Variants in L3MBTL4 observed in about 807,000 individuals in gnomAD.
L3MBTL4 encodes L3MBTL histone methyl-lysine binding protein 4.
A neutral mutation model predicts 84.5 loss-of-function variants in L3MBTL4; 70 were observed. The ratio of observed to expected loss-of-function variants is 0.83; its 90% CI spans 0.68 to 1.01. The LOEUF (loss-of-function observed/expected upper bound fraction) is 1.01, where lower values mean the gene tolerates loss of function less well. L3MBTL4 is among the 50% of genes least tolerant of loss of function. The pLI is 0.00. For synonymous variants in L3MBTL4, 274 were observed against 259.8 expected, an observed-to-expected ratio of 1.05 and a Z score of -0.52; for missense variants, 715 against 754.8, an observed-to-expected ratio of 0.95 and a Z score of 0.62.
intron 1 of L3MBTL4, among the ~76,000 whole-genome samples, chr18:6,353,024 A>T (rs1424544636): frequency 4.6e-5 from 7 of 152,244 alleles, no homozygotes; most frequent in Non-Finnish European, 1.0e-4. Flanking sequence ...AAATTAAACT[A>T]AACATATGTA....
At chr18:6,128,040 G>GA (rs373631094) in intron 14 of L3MBTL4, among the ~76,000 whole-genome samples, 2 of 129,204 alleles carry the variant, frequency 1.5e-5, no homozygotes, top group African/African-American at 6.2e-5. Flanking sequence ...GGGTGGGGCG[G>GA]GGGAAGAGTC....
chr18:6,390,847 C>T (rs2055018458), intron 1 of L3MBTL4, among the ~76,000 whole-genome samples: 1 of 151,974 alleles, frequency 6.6e-6, no homozygotes, highest in East Asian at 1.9e-4. Flanking sequence ...AAATCACCAG[C>T]ACCAACAACA....
intron 12 of L3MBTL4, among the ~76,000 whole-genome samples, chr18:6,210,861 C>G (rs1657736057): frequency 6.6e-6 from 1 of 152,152 alleles, no homozygotes; most frequent in South Asian, 2.1e-4. Context: ...TCCTTGAGGT[C>G]CCTTCATTAA....
intron 1 of L3MBTL4, among the ~76,000 whole-genome samples, chr18:6,337,363 A>G (rs2052392592): frequency 6.6e-6 from 1 of 152,130 alleles, no homozygotes; most frequent in African/African-American, 2.4e-5. Flanking sequence ...TAATAACAAA[A>G]TGTTCAGGAG....
intron 1 of L3MBTL4, among the ~76,000 whole-genome samples, chr18:6,323,885 G>T (rs1433656515): frequency 6.6e-6 from 1 of 152,206 alleles, no homozygotes; most frequent in Non-Finnish European, 1.5e-5. Context: ...TAGGGAAAAG[G>T]CCCTGAAAGC....
In L3MBTL4 at chr18:6,093,448, G is replaced by A; in HGVS notation, c.1280C>T (p.Ala427Val). The change falls in exon 15 of 19, where the codon GCA (alanine) becomes GTA (valine). Residue 427 changes from alanine to valine, a missense_variant. Transcript: ENST00000317931. ...LHDRLREQTQ[A>V]NLESDSSHSK... Reference sequence around the variant, plus strand: ...ATGTGAAGAGTCTGATTCCAAATTTGCCTGTGTTTGTTCTCTCAAACGATC... The same window carrying A: ...ATGTGAAGAGTCTGATTCCAAATTTACCTGTGTTTGTTCTCTCAAACGATC... The A allele has an allele frequency of 6.2e-7, 1 of 1,613,882 alleles. No homozygotes were observed. Among genetic ancestry groups the A allele is most frequent in the Non-Finnish European group, 8.5e-7 (1 of 1,179,904 alleles).
At chr18:6,207,042 C>A (rs2045905592) in intron 12 of L3MBTL4, among the ~76,000 whole-genome samples, 1 of 152,162 alleles carries the variant, frequency 6.6e-6, no homozygotes, top group Non-Finnish European at 1.5e-5. Context: ...CCACCTGTTT[C>A]TGTGAGTCCC....
chr18:6,027,737 C>T (rs142600508), intron 16 of L3MBTL4, among the ~76,000 whole-genome samples: 21 of 152,168 alleles, frequency 1.4e-4, no homozygotes, highest in African/African-American at 4.6e-4. Flanking sequence ...TTCTAACTGG[C>T]GTGAGATGGT....
chr18:6,307,869 TTTTTGTATATTCA>T (rs1360373576), intron 3 of L3MBTL4, among the ~76,000 whole-genome samples: 1 of 152,224 alleles, frequency 6.6e-6, no homozygotes, highest in African/African-American at 2.4e-5. Context: ...ATATATTTCA[TTTTTGTATATTCA>T]TTTTGTATAT....
Position 6,143,318 on chromosome 18 carries a change from G to A in L3MBTL4, c.1097-5022C>T, listed in dbSNP as rs185174825. 4.3e-4 allele frequency among the ~76,000 whole-genome samples: 66 copies of A among 152,292 alleles called. 1 individual carries two copies. The East Asian group carries it at 0.01, about 24-fold the overall frequency. ...GAAAGGCATGACCTCAACTATGGGA[G>A]AAGAGCCATTGCATTAAGAACTGCA... On this transcript the variant is annotated intron_variant, in intron 13 of 18. Transcript: ENST00000317931.
intron 16 of L3MBTL4, chr18:6,030,139 A>G: frequency 2.5e-6 from 2 of 795,262 alleles, no homozygotes; most frequent in Non-Finnish European, 3.0e-6. Flanking sequence ...GTAAATACAC[A>G]TACACACATA....
At chr18:6,024,775 A>G (rs933293037) in intron 16 of L3MBTL4, among the ~76,000 whole-genome samples, 1 of 152,132 alleles carries the variant, frequency 6.6e-6, no homozygotes, top group Non-Finnish European at 1.5e-5. Context: ...TTTTTTTTCT[A>G]ATTACTCAAA....
chr18:5,972,741 G>T (rs1020763003), intron 16 of L3MBTL4, among the ~76,000 whole-genome samples: 8 of 152,018 alleles, frequency 5.3e-5, no homozygotes, highest in Admixed American at 1.3e-4. Flanking sequence ...GGAGCTCTGT[G>T]GCCTAGTGAT....
chr18:6,405,239 G>C (rs1053019060), intron 1 of L3MBTL4, among the ~76,000 whole-genome samples: 2 of 152,162 alleles, frequency 1.3e-5, no homozygotes, highest in Admixed American at 6.5e-5. Flanking sequence ...GTAAACAATA[G>C]GGAAATAATA....
intron 4 of L3MBTL4, among the ~76,000 whole-genome samples, chr18:6,295,346 C>CTATATATATATATATATATA (rs71163269): frequency 1.2e-4 from 10 of 81,380 alleles, no homozygotes; most frequent in African/African-American, 6.6e-4. Flanking sequence ...CTCTCTCTCT[C>CTATATATATATATATATATA]TATATATATA....
At chr18:6,005,035 G>GTTTTTTTTTTTTTTTTTTTTTTTTTTT (rs1310838128) in intron 16 of L3MBTL4, among the ~76,000 whole-genome samples, 1 of 36,624 alleles carries the variant, frequency 2.7e-5, no homozygotes. Flanking sequence ...TTTACTTTTA[G>GTTTTTTTTTTTTTTTTTTTTTTTTTTT]TTCAGGAGTA....
intron 12 of L3MBTL4, among the ~76,000 whole-genome samples, chr18:6,191,877 C>A (rs2045112633): frequency 6.6e-6 from 1 of 151,996 alleles, no homozygotes; most frequent in South Asian, 2.1e-4. Flanking sequence ...ATAGTCCCAG[C>A]TCCTCAGGAA....
intron 4 of L3MBTL4, among the ~76,000 whole-genome samples, chr18:6,279,405 C>T (rs925840576): frequency 6.6e-6 from 1 of 152,028 alleles, no homozygotes; most frequent in Non-Finnish European, 1.5e-5. Context: ...AATGTGGACA[C>T]AGGGATGAAG....
intron 14 of L3MBTL4, among the ~76,000 whole-genome samples, chr18:6,106,733 A>C (rs1445847289): frequency 1.3e-5 from 2 of 152,366 alleles, no homozygotes; most frequent in African/African-American, 4.8e-5. Context: ...GCACCTACCC[A>C]GTCAAATACA....
Sources: gnomAD v4.1 joint callset for allele counts (sites outside exome capture counted in the v4.1 genomes callset) on GRCh38, gnomAD v4.1.1 for gene constraint, MANE v1.5 for transcripts, NCBI Gene and HGNC (gene_info 2026-07-23, HGNC 2026-07-21) for gene names.